Variants in ANKS1B observed in about 807,000 individuals in gnomAD.
ANKS1B encodes the protein ankyrin repeat and sterile alpha motif domain containing 1B, also known as ankyrin repeat and sterile alpha motif domain-containing protein 1B.
A neutral mutation model predicts 148.3 loss-of-function variants in ANKS1B; 36 were observed. The ratio of observed to expected loss-of-function variants is 0.24; its 90% CI spans 0.19 to 0.32. The LOEUF is 0.32. ANKS1B is among the 10% of genes least tolerant of loss of function. ANKS1B has a pLI of 1.00. For missense variants in ANKS1B, 1,157 were observed against 1,542.6 expected, an observed-to-expected ratio of 0.75 and a Z score of 4.19; for synonymous variants, 542 against 560.8, an observed-to-expected ratio of 0.97 and a Z score of 0.47.
intron 17 of ANKS1B, among the ~76,000 whole-genome samples, chr12:98,836,456 C>T (rs755702064): frequency 1.3e-5 from 2 of 152,036 alleles, no homozygotes; most frequent in Non-Finnish European, 2.9e-5. Flanking sequence ...CTTCAAAACG[C>T]CCAAGTTGAC....
chr12:99,940,909 C>A (rs2094903249), intron 1 of ANKS1B, among the ~76,000 whole-genome samples: 1 of 152,130 alleles, frequency 6.6e-6, no homozygotes, highest in South Asian at 2.1e-4. Flanking sequence ...TTTGAAAATA[C>A]AGACTATAGT....
At position 99,586,483 on chromosome 12, in the gene ANKS1B, C is replaced by T. The variant is rs183925313; in HGVS notation, c.1272+68584G>A. Among the ~76,000 whole-genome samples, 1,146 of 152,246 alleles carry T rather than the reference C, an allele frequency of 7.5e-3. 5 individuals are homozygous for T. Among genetic ancestry groups the T allele is most frequent in the Non-Finnish European group, 0.011 (769 of 68,006 alleles). On this transcript the variant is annotated intron_variant, in intron 9 of 26. Coordinates refer to ENST00000683438, the MANE Select transcript of ANKS1B (RefSeq NM_001352186.2). Reference sequence around the variant, plus strand: ...CATCTTCCTGTCCTCTGAGCCCTCCCAGTCTCTAGGAAGTTCCAAACTTTC... The same window carrying T: ...CATCTTCCTGTCCTCTGAGCCCTCCTAGTCTCTAGGAAGTTCCAAACTTTC...
intron 12 of ANKS1B, among the ~76,000 whole-genome samples, chr12:99,393,681 G>A (rs1323572340): frequency 6.6e-6 from 1 of 152,118 alleles, no homozygotes; most frequent in Non-Finnish European, 1.5e-5. Flanking sequence ...ATCATTCCTA[G>A]TTCCTTGTGC....
intron 17 of ANKS1B, among the ~76,000 whole-genome samples, chr12:98,874,786 G>A (rs957355432): frequency 1.3e-5 from 2 of 152,030 alleles, no homozygotes; most frequent in South Asian, 4.1e-4. Flanking sequence ...AGAAAAATGA[G>A]AAATTAATAA....
intron 17 of ANKS1B, among the ~76,000 whole-genome samples, chr12:98,846,485 G>A (rs1350844888): frequency 6.6e-6 from 1 of 152,226 alleles, no homozygotes; most frequent in Non-Finnish European, 1.5e-5. Flanking sequence ...CCCTGGCAAG[G>A]AAAGGAACAG....
chr12:98,755,519 A>G (rs770862146), intron 25 of ANKS1B, among the ~76,000 whole-genome samples: 7 of 152,216 alleles, frequency 4.6e-5, no homozygotes, highest in Non-Finnish European at 1.0e-4. Context: ...TGAATGAATG[A>G]ATGAATATCC....
intron 15 of ANKS1B, among the ~76,000 whole-genome samples, chr12:99,090,089 A>G (rs941347548): frequency 2.0e-5 from 3 of 152,184 alleles, no homozygotes; most frequent in Non-Finnish European, 4.4e-5. Context: ...CGGGGAGAAT[A>G]TCTTAGGTAC....
chr12:99,697,381 T>C (rs1282528987), intron 8 of ANKS1B, among the ~76,000 whole-genome samples: 1 of 152,068 alleles, frequency 6.6e-6, no homozygotes, highest in African/African-American at 2.4e-5. Context: ...GGTATATCCA[T>C]GCAATGAAAA....
chr12:99,785,074 A>G (rs1349968946), intron 4 of ANKS1B, among the ~76,000 whole-genome samples: 1 of 152,182 alleles, frequency 6.6e-6, no homozygotes, highest in Non-Finnish European at 1.5e-5. Flanking sequence ...GGGAGGGAAG[A>G]ACACAGGATG....
At chr12:99,254,304 C>G (rs1566744075) in intron 12 of ANKS1B, among the ~76,000 whole-genome samples, 1 of 152,240 alleles carries the variant, frequency 6.6e-6, no homozygotes, top group South Asian at 2.1e-4. Flanking sequence ...TTGGGGTCTC[C>G]AAGATTATTT....
chr12:99,898,312 A>G (rs1026656003), intron 1 of ANKS1B, among the ~76,000 whole-genome samples: 1 of 152,192 alleles, frequency 6.6e-6, no homozygotes, highest in Non-Finnish European at 1.5e-5. Flanking sequence ...ATCAATTTCT[A>G]TCTAAACAGA....
At position 98,744,561 on chromosome 12, in the gene ANKS1B, GA is replaced by G; in HGVS notation, c.*1177del. Reference sequence around the variant, plus strand: ...TATGGTATCATACAAATACTCCACAGAGACATTAAAAAATTAAAATACCTTA... The same window carrying G: ...TATGGTATCATACAAATACTCCACAGGACATTAAAAAATTAAAATACCTTA... On this transcript the variant is annotated 3_prime_UTR_variant, in exon 27 of 27. Coordinates refer to ENST00000683438, the MANE Select transcript of ANKS1B (RefSeq NM_001352186.2). 1 of 638,016 alleles carries G rather than the reference GA, an allele frequency of 1.6e-6. No homozygotes were observed. 39.5% of individuals were successfully genotyped at this position (638,016 alleles called of 1,614,324 possible).
intron 19 of ANKS1B, among the ~76,000 whole-genome samples, chr12:98,824,918 C>T (rs1384774478): frequency 1.3e-5 from 2 of 152,078 alleles, no homozygotes; most frequent in Non-Finnish European, 2.9e-5. Context: ...GTGATTTTCT[C>T]TTCTGCTTGC....
At chr12:99,534,715 T>C (rs1371774512) in intron 9 of ANKS1B, among the ~76,000 whole-genome samples, 6 of 146,672 alleles carry the variant, frequency 4.1e-5, no homozygotes, top group Admixed American at 1.4e-4. Context: ...CTTTTCTTTT[T>C]TTTTTTTTTT....
At chr12:99,339,721 T>C (rs1418806511) in intron 12 of ANKS1B, among the ~76,000 whole-genome samples, 3 of 152,186 alleles carry the variant, frequency 2.0e-5, no homozygotes, top group Non-Finnish European at 4.4e-5. Flanking sequence ...TAGATTTCCT[T>C]ATGTATTTTT....
intron 14 of ANKS1B, among the ~76,000 whole-genome samples, chr12:99,197,832 G>A (rs1232372557): frequency 1.3e-5 from 2 of 152,014 alleles, no homozygotes; most frequent in African/African-American, 4.8e-5. Context: ...GTCTCACTTT[G>A]GATCTATTAC....
chr12:98,777,141 C>T (rs1260478390), intron 24 of ANKS1B, among the ~76,000 whole-genome samples: 2 of 151,996 alleles, frequency 1.3e-5, no homozygotes, highest in African/African-American at 4.8e-5. Context: ...TACAGTGAGC[C>T]GTGGTGGCGC....
chr12:99,760,981 A>G (rs541523710), intron 8 of ANKS1B, among the ~76,000 whole-genome samples: 1 of 148,990 alleles, frequency 6.7e-6, no homozygotes, highest in African/African-American at 2.5e-5. Context: ...ACCATATCCC[A>G]GGGTTAAATC....
In ANKS1B at chr12:99,664,591, A is replaced by T. The variant is rs35553295; in HGVS notation, c.1129-9381T>A. ...AGAAGAAAGGGGAGAGTAAAGAAAG[A>T]AAGAAAAGATGACATGCACCCATTT... On this transcript the variant is annotated intron_variant, in intron 8 of 26. Coordinates refer to ENST00000683438, the MANE Select transcript of ANKS1B (RefSeq NM_001352186.2). Among the ~76,000 whole-genome samples the T allele has an allele frequency of 1.2e-3, 189 of 152,258 alleles. 2 individuals carry two copies. The highest frequency in any genetic ancestry group is 0.01 in the Middle Eastern group (3 of 294).
Sources: gnomAD v4.1 joint callset for allele counts (sites outside exome capture counted in the v4.1 genomes callset) on GRCh38, gnomAD v4.1.1 for gene constraint, MANE v1.5 for transcripts, NCBI Gene and HGNC (gene_info 2026-07-23, HGNC 2026-07-21) for gene names.